The following TNFSF4 variants were observed in gnomAD, a reference collection of about 807,000 sequenced individuals.
The protein encoded by TNFSF4 is tumor necrosis factor ligand superfamily member 4.
TNFSF4 carries 4 observed loss-of-function variants against 7.3 expected under a neutral mutation model. That is an observed-to-expected ratio of 0.55 (90% confidence interval 0.27 to 1.25). The LOEUF (loss-of-function observed/expected upper bound fraction) is 1.25. Among genes scored for constraint, TNFSF4 ranks in the 50% most tolerant of loss-of-function variants. The pLI, the probability that TNFSF4 is intolerant of heterozygous loss-of-function variation, is 0.12. For synonymous variants in TNFSF4, 76 were observed against 83.7 expected (o/e 0.91, Z 0.50); for missense variants, 181 against 208.8 (o/e 0.87, Z 0.82).
At chr1:173,299,815 G>A in the TNFSF4 span, among the ~76,000 whole-genome samples, 1 of 151,814 alleles carries the variant, frequency 6.6e-6, no homozygotes, top group African/African-American at 2.4e-5. Context: ...GTAAAGTTGG[G>A]AGGGGGAACA....
At chr1:173,354,193 T>A in the TNFSF4 span, among the ~76,000 whole-genome samples, 3 of 152,056 alleles carry the variant, frequency 2.0e-5, no homozygotes. Flanking sequence ...TCAAAAACCA[T>A]CAGATAATAT....
the TNFSF4 span, among the ~76,000 whole-genome samples, chr1:173,224,847 C>T: frequency 6.6e-6 from 1 of 152,176 alleles, no homozygotes; most frequent in Non-Finnish European, 1.5e-5. Flanking sequence ...TCTACCCAAA[C>T]CTTAGCTCCA....
At chr1:173,419,743 T>A in the TNFSF4 span, among the ~76,000 whole-genome samples, 1 of 152,190 alleles carries the variant, frequency 6.6e-6, no homozygotes, top group Non-Finnish European at 1.5e-5. Context: ...TTGCCATGGC[T>A]GGGTCAGGGT....
the TNFSF4 span, among the ~76,000 whole-genome samples, chr1:173,432,973 ATATG>A: frequency 3.3e-5 from 5 of 152,234 alleles, no homozygotes; most frequent in South Asian, 6.2e-4. Context: ...AAATGTGAAA[ATATG>A]TATGTATGTA....
chr1:173,280,634 G>T, the TNFSF4 span, among the ~76,000 whole-genome samples: 1 of 151,890 alleles, frequency 6.6e-6, no homozygotes, highest in Non-Finnish European at 1.5e-5. Flanking sequence ...CTTTCTCTCC[G>T]GCCCTCATTT....
chr1:173,336,259 G>T, the TNFSF4 span, among the ~76,000 whole-genome samples: 2 of 152,168 alleles, frequency 1.3e-5, no homozygotes, highest in Non-Finnish European at 2.9e-5. Context: ...TTAAAGATTT[G>T]AAAGACACAG....
the TNFSF4 span, among the ~76,000 whole-genome samples, chr1:173,350,778 T>C: frequency 1.3e-5 from 2 of 152,166 alleles, no homozygotes; most frequent in Non-Finnish European, 2.9e-5. Flanking sequence ...ACACTGGCAA[T>C]TCAATGAGTC....
At chr1:173,341,098 C>T in the TNFSF4 span, among the ~76,000 whole-genome samples, 1 of 152,156 alleles carries the variant, frequency 6.6e-6, no homozygotes, top group African/African-American at 2.4e-5. Context: ...GTGTTTGCTT[C>T]CCCTTCTGCC....
At chr1:173,417,970 T>A in the TNFSF4 span, 1 of 150,022 alleles carries the variant, frequency 6.7e-6, no homozygotes, top group Non-Finnish European at 1.5e-5. Flanking sequence ...CTCCACTCAG[T>A]CATTTGAGCT....
chr1:173,380,686 C>CTAG, the TNFSF4 span, among the ~76,000 whole-genome samples: 2 of 152,126 alleles, frequency 1.3e-5, no homozygotes, highest in African/African-American at 4.8e-5. Context: ...CGAATGGTTC[C>CTAG]TAGTAGATAC....
At chr1:173,292,967 A>G in the TNFSF4 span, among the ~76,000 whole-genome samples, 2 of 152,190 alleles carry the variant, frequency 1.3e-5, no homozygotes, top group African/African-American at 4.8e-5. Flanking sequence ...GAGAATTACA[A>G]AATACTGCTG....
the TNFSF4 span, among the ~76,000 whole-genome samples, chr1:173,256,043 A>T: frequency 6.6e-6 from 1 of 152,258 alleles, no homozygotes; most frequent in African/African-American, 2.4e-5. Flanking sequence ...AAACGCACCA[A>T]GGCTGAACTT....
At chr1:173,256,479 C>G in the TNFSF4 span, among the ~76,000 whole-genome samples, 3 of 152,108 alleles carry the variant, frequency 2.0e-5, no homozygotes, top group African/African-American at 7.2e-5. Context: ...CTAATTACCC[C>G]TAAAAGTCCC....
the TNFSF4 span, among the ~76,000 whole-genome samples, chr1:173,365,235 G>C: frequency 6.6e-6 from 1 of 152,116 alleles, no homozygotes; most frequent in African/African-American, 2.4e-5. Flanking sequence ...GCTATTTTTA[G>C]AATACATTTC....
At chr1:173,400,592 T>C in the TNFSF4 span, among the ~76,000 whole-genome samples, 2 of 152,254 alleles carry the variant, frequency 1.3e-5, no homozygotes, top group African/African-American at 4.8e-5. Flanking sequence ...GGGCTCTTCA[T>C]GCCTCTGAAT....
At chr1:173,435,504 C>T in the TNFSF4 span, among the ~76,000 whole-genome samples, 6 of 152,130 alleles carry the variant, frequency 3.9e-5, no homozygotes, top group African/African-American at 7.2e-5. Context: ...CTCTCCCTGC[C>T]GCATGAGCAC....
At chr1:173,222,318 T>G in the TNFSF4 span, among the ~76,000 whole-genome samples, 2 of 152,128 alleles carry the variant, frequency 1.3e-5, no homozygotes, top group African/African-American at 4.8e-5. Context: ...AGACAAGATA[T>G]GAAAACTTCA....
the TNFSF4 span, among the ~76,000 whole-genome samples, chr1:173,333,733 T>C: frequency 0.48 from 72,508 of 152,008 alleles, 17,799 homozygotes; most frequent in East Asian, 0.73. Flanking sequence ...ACCAGAACAG[T>C]GAGAAAAAAT....
the TNFSF4 span, among the ~76,000 whole-genome samples, chr1:173,357,313 C>G: frequency 2.0e-5 from 3 of 152,070 alleles, no homozygotes; most frequent in African/African-American, 7.2e-5. Flanking sequence ...GGCTGGGACA[C>G]AAGATCACAA....
Sources: allele counts gnomAD v4.1 joint callset (sites outside exome capture counted in the v4.1 genomes callset), GRCh38; gene constraint gnomAD v4.1.1; transcripts MANE v1.5; gene names NCBI Gene and HGNC (gene_info 2026-07-23, HGNC 2026-07-21).